The following CLASP2 variants were observed in gnomAD, a reference collection of about 807,000 sequenced individuals.
The protein encoded by CLASP2 is cytoplasmic linker associated protein 2, also known as CLIP-associating protein 2.
CLASP2 carries 47 observed loss-of-function variants against 194.4 expected under a neutral mutation model. That is an observed-to-expected ratio of 0.24 (90% CI 0.19 to 0.31). The LOEUF (loss-of-function observed/expected upper bound fraction) is 0.31, where lower values mean the gene tolerates loss of function less well. Among genes scored for constraint, CLASP2 ranks in the 10% least tolerant of loss-of-function variants. CLASP2 has a pLI of 1.00. For missense variants in CLASP2, 1,445 were observed against 1,823.6 expected (o/e 0.79, Z 3.78); for synonymous variants, 619 against 633.5 (o/e 0.98, Z 0.34).
At chr3:33,707,919 G>A (rs977458199) in intron 1 of CLASP2, among the ~76,000 whole-genome samples, 5 of 152,082 alleles carry the variant, frequency 3.3e-5, no homozygotes, top group Admixed American at 3.3e-4. Flanking sequence ...TCACAAAGGC[G>A]TTACATCCTG....
chr3:33,663,285 A>G (rs1305836349), intron 7 of CLASP2, among the ~76,000 whole-genome samples, 160 bp downstream of exon 7: 2 of 151,908 alleles, frequency 1.3e-5, no homozygotes, highest in East Asian at 3.9e-4. Flanking sequence ...ATCAGAGGAT[A>G]GATAATTATC....
rs565409496 is a variant in CLASP2, at chr3:33,535,123, A to C, written c.3787+110T>G. ...AGATGGGAGAAAACATTCTTATTCT[A>C]AAAATTGTTACTTTTTGGGAGTTAT... On this transcript the variant is annotated intron_variant, in intron 34 of 38. Coordinates refer to ENST00000682230, the MANE Select transcript of CLASP2 (RefSeq NM_001365631.1). 14 of 723,796 alleles carry C rather than the reference A, an allele frequency of 1.9e-5. No homozygotes were observed. In the African/African-American group the frequency reaches 2.3e-4, roughly 12 times the overall value. The allele number at this position is 723,796 out of a possible 1,614,324, so 44.8% of individuals were successfully genotyped here.
intron 12 of CLASP2, among the ~76,000 whole-genome samples, chr3:33,614,893 A>T (rs1282190096): frequency 6.6e-6 from 1 of 152,110 alleles, no homozygotes; most frequent in East Asian, 1.9e-4. Flanking sequence ...TGGGAGGCTG[A>T]GGCAGAAGAA....
In CLASP2 at chr3:33,717,900, G is replaced by C. The variant is rs1464028753; in HGVS notation, c.103C>G (p.Pro35Ala). The stretch of plus-strand genomic sequence containing the variant: ...TCCTCCAGGTCCGAGATGGCGCCGG[G>C]GGCGCCAAGGTAGAGCAGGAGCTCC... The part of the protein sequence containing the change: ...GQELLLYLGA[P>A]GAISDLEEDL... Residue 35 changes from proline to alanine, a missense_variant, in exon 1 of 39, where the codon CCC becomes GCC. Physicochemically the swap from Pro to Ala is conservative, Grantham distance 27. Transcript: ENST00000682230. The C allele has an allele frequency of 1.3e-6, 2 of 1,555,022 alleles. No homozygotes were observed. Among genetic ancestry groups the C allele is most frequent in the Non-Finnish European group, 1.7e-6 (2 of 1,150,028 alleles).
chr3:33,601,341 G>GT (rs1354173582), intron 18 of CLASP2, among the ~76,000 whole-genome samples: 1 of 152,060 alleles, frequency 6.6e-6, no homozygotes, highest in Non-Finnish European at 1.5e-5. Flanking sequence ...CTATCAATTT[G>GT]TATTTGTTTG....
At position 33,543,526 on chromosome 3, in the gene CLASP2, C is replaced by G. The variant is rs1242912252; in HGVS notation, c.3311G>C (p.Ser1104Thr). The G allele has an allele frequency of 6.2e-7, 1 of 1,609,954 alleles. No individual in the cohort carries two copies. The highest frequency in any genetic ancestry group is 1.7e-5 in the Admixed American group (1 of 59,998). The stretch of plus-strand genomic sequence containing the variant: ...TCGTGGTGTTGGTCTTGTCAAAGGA[C>G]TCCCCATGGAACTCTGATGAAGGGA... Reference protein sequence around the residue: ...TGNGTQSSMGSPLTRPTPRSP... With the variant: ...TGNGTQSSMGTPLTRPTPRSP... Residue 1104 changes from serine (S) to threonine (T), a missense_variant, in exon 32 of 39, where the codon AGT (serine) becomes ACT (threonine). Around this residue, in one of 4 missense-constraint regions of CLASP2, gnomAD observed 732 missense variants for 987.9 expected, o/e 0.74. Transcript: ENST00000682230.
At chr3:33,612,280 A>G (rs933404674) in intron 12 of CLASP2, among the ~76,000 whole-genome samples, 7 of 152,250 alleles carry the variant, frequency 4.6e-5, no homozygotes, top group African/African-American at 1.7e-4. Context: ...ACAGGTATGG[A>G]TATAATATGA....
chr3:33,657,110 C>T (rs1235758790), intron 7 of CLASP2, among the ~76,000 whole-genome samples: 1 of 151,940 alleles, frequency 6.6e-6, no homozygotes, highest in Non-Finnish European at 1.5e-5. Flanking sequence ...CGTAAATAAA[C>T]AAAGTTTGTA....
At chr3:33,529,657 C>T (rs1048338059) in intron 34 of CLASP2, among the ~76,000 whole-genome samples, 6 of 152,190 alleles carry the variant, frequency 3.9e-5, no homozygotes, top group African/African-American at 1.4e-4. Context: ...AGATCAACTT[C>T]ACTGTCTTCC....
chr3:33,530,960 T>TAC (rs1483041686), intron 34 of CLASP2, among the ~76,000 whole-genome samples: 1 of 152,170 alleles, frequency 6.6e-6, no homozygotes, highest in Admixed American at 6.6e-5. Context: ...TGACACTTTT[T>TAC]ACAGAAATAG....
At chr3:33,677,220 C>A (rs1422434501) in intron 6 of CLASP2, among the ~76,000 whole-genome samples, 1 of 152,062 alleles carries the variant, frequency 6.6e-6, no homozygotes, top group East Asian at 1.9e-4. Flanking sequence ...ACCCAAAGGA[C>A]TATAAATCAT....
rs1258991523 is a variant in CLASP2 at position 33,715,847 on chromosome 3, T to TTAA, written c.195+1960_195+1961insTTA. On this transcript the variant is annotated intron_variant, in intron 1 of 38. Coordinates refer to ENST00000682230, the MANE Select transcript of CLASP2 (RefSeq NM_001365631.1). ...TAAGTATGTTTTATTGTATCTTAAGTAAAAAAAAAAAAAAAAAAAAAAAAA... is the reference window on the plus strand; with the variant it reads ...TAAGTATGTTTTATTGTATCTTAAGTTAAAAAAAAAAAAAAAAAAAAAAAAAAA... Among the ~76,000 whole-genome samples the TTAA allele has an allele frequency of 2.3e-3, 144 of 62,176 alleles. 2 individuals are homozygous for TTAA. The highest frequency in any genetic ancestry group is 9.2e-3 in the African/African-American group (142 of 15,400). The allele number at this position is 62,176 out of a possible 152,430, so 40.8% of individuals were successfully genotyped here. A position where few individuals can be genotyped will look rare whatever the true frequency, so the allele number is the denominator to read the frequency against.
chr3:33,588,112 G>A (rs1023097165), intron 21 of CLASP2, among the ~76,000 whole-genome samples: 3 of 152,012 alleles, frequency 2.0e-5, no homozygotes, highest in African/African-American at 7.2e-5. Context: ...CCTATCCTAG[G>A]AAATAAAATT....
intron 1 of CLASP2, among the ~76,000 whole-genome samples, chr3:33,700,433 A>T (rs763249334): frequency 6.6e-6 from 1 of 152,172 alleles, no homozygotes; most frequent in Non-Finnish European, 1.5e-5. Context: ...TCAAACAAAC[A>T]AACAAAAAAA....
intron 6 of CLASP2, among the ~76,000 whole-genome samples, chr3:33,664,971 C>T (rs2085929531): frequency 6.6e-6 from 1 of 151,972 alleles, no homozygotes; most frequent in Non-Finnish European, 1.5e-5. Context: ...CGTGGTGGCA[C>T]ATATTTGTAG....
intron 29 of CLASP2, among the ~76,000 whole-genome samples, chr3:33,557,832 G>A (rs2061221594): frequency 6.6e-6 from 1 of 152,136 alleles, no homozygotes; most frequent in Non-Finnish European, 1.5e-5. Context: ...GTTGTGAAAG[G>A]AAAATAAAAC....
intron 30 of CLASP2, among the ~76,000 whole-genome samples, chr3:33,550,910 A>G (rs1361639972): frequency 1.3e-5 from 2 of 152,212 alleles, no homozygotes; most frequent in Non-Finnish European, 2.9e-5. Context: ...ACATTCATCA[A>G]TAGATTAAAA....
At chr3:33,663,768 G>C (rs547001688) in intron 6 of CLASP2, among the ~76,000 whole-genome samples, 1 of 152,148 alleles carries the variant, frequency 6.6e-6, no homozygotes, top group South Asian at 2.1e-4. Context: ...TTTACACAAA[G>C]CAGTTTCTCA....
chr3:33,671,422 C>T (rs1172964869), intron 6 of CLASP2, among the ~76,000 whole-genome samples: 4 of 152,068 alleles, frequency 2.6e-5, no homozygotes, highest in African/African-American at 9.7e-5. Context: ...GTTGGAATTA[C>T]CAGACCAGGA....
Sources: gnomAD v4.1 joint callset for allele counts (sites outside exome capture counted in the v4.1 genomes callset) on GRCh38, gnomAD v4.1.1 for gene constraint, gnomAD v4.1.1 regional missense constraint, MANE v1.5 for transcripts, NCBI Gene and HGNC (gene_info 2026-07-23, HGNC 2026-07-21) for gene names.